GULP1: variants seen among roughly 807,000 people sequenced by gnomAD.
GULP1 encodes GULP PTB domain containing engulfment adaptor 1.
Under a neutral mutation model 40.9 loss-of-function variants are expected in GULP1, and 19 were observed. That is an observed-to-expected ratio of 0.46 (90% confidence interval 0.32 to 0.68). GULP1 has a LOEUF of 0.68. GULP1 is among the 30% of genes least tolerant of loss of function. GULP1 has a pLI of 0.03. For missense variants in GULP1, 312 were observed against 362.2 expected, an observed-to-expected ratio of 0.86 and a Z score of 1.12; for synonymous variants, 119 against 117.6, an observed-to-expected ratio of 1.01 and a Z score of -0.08.
At chr2:188,546,014 A>C (rs1274235899) in intron 7 of GULP1, among the ~76,000 whole-genome samples, 1 of 151,954 alleles carries the variant, frequency 6.6e-6, no homozygotes, top group African/African-American at 2.4e-5. Context: ...GATAAAAGGG[A>C]CCAGTTCCCA....
At chr2:188,346,254 A>G (rs1025132692) in intron 1 of GULP1, among the ~76,000 whole-genome samples, 2 of 152,208 alleles carry the variant, frequency 1.3e-5, no homozygotes, top group Non-Finnish European at 2.9e-5. Flanking sequence ...GTATTATAAT[A>G]GGATGTTGGC....
chr2:188,419,239 A>G (rs10180956), intron 2 of GULP1, among the ~76,000 whole-genome samples: 27,019 of 152,056 alleles, frequency 0.18, 2,476 homozygotes, highest in East Asian at 0.25. Context: ...TCTAGAACAT[A>G]TAATAGTTTT....
chr2:188,455,343 C>G (rs1241740881), intron 2 of GULP1, among the ~76,000 whole-genome samples: 3 of 152,004 alleles, frequency 2.0e-5, no homozygotes, highest in Non-Finnish European at 4.4e-5. Flanking sequence ...GGCTGTGTCC[C>G]CACCCAAATC....
chr2:188,347,560 C>A (rs2152260617), intron 1 of GULP1, among the ~76,000 whole-genome samples: 1 of 150,952 alleles, frequency 6.6e-6, no homozygotes, highest in South Asian at 2.1e-4. Context: ...TATAGTCATG[C>A]TTTTAATTAG....
chr2:188,545,315 A>C (rs1691626785), intron 7 of GULP1, among the ~76,000 whole-genome samples: 1 of 151,918 alleles, frequency 6.6e-6, no homozygotes, highest in Non-Finnish European at 1.5e-5. Flanking sequence ...AGATGAGCAA[A>C]CATATGAGTA....
intron 1 of GULP1, among the ~76,000 whole-genome samples, chr2:188,310,301 T>C (rs965214678): frequency 6.6e-6 from 1 of 152,168 alleles, no homozygotes; most frequent in Non-Finnish European, 1.5e-5. Context: ...TAAAGTAATA[T>C]AAGTAAATTG....
intron 7 of GULP1, among the ~76,000 whole-genome samples, chr2:188,559,061 A>G (rs529575821): frequency 1.3e-5 from 2 of 152,358 alleles, no homozygotes; most frequent in African/African-American, 4.8e-5. Context: ...TGCATAGGTA[A>G]TGAGGAGCCG....
intron 6 of GULP1, among the ~76,000 whole-genome samples, chr2:188,533,540 T>A (rs1420641216): frequency 6.6e-6 from 1 of 152,078 alleles, no homozygotes; most frequent in Admixed American, 6.6e-5. Context: ...GAAGAAAACC[T>A]AGGAAACACC....
chr2:188,305,467 C>A (rs2036892045), intron 1 of GULP1, among the ~76,000 whole-genome samples: 1 of 152,154 alleles, frequency 6.6e-6, no homozygotes, highest in African/African-American at 2.4e-5. Context: ...GCATTCCTTC[C>A]TTTAGGGTAT....
rs182813557 is a variant in GULP1, at chr2:188,448,865, C to T, written c.-44-28794C>T. 1.6e-3 allele frequency among the ~76,000 whole-genome samples: 245 copies of T among 152,278 alleles called. 1 individual carries two copies. Among genetic ancestry groups the T allele is most frequent in the Middle Eastern group, 3.4e-3 (1 of 294 alleles). On this transcript the variant is annotated intron_variant, in intron 2 of 11. Coordinates refer to ENST00000409830, the MANE Select transcript of GULP1 (RefSeq NM_016315.4). ...TTAAAGTAGGTGGCAACACCCCTCC[C>T]CTTTTTCCTCCTTCTCTGGCCATGC...
intron 4 of GULP1, among the ~76,000 whole-genome samples, chr2:188,492,327 T>A (rs2062472348): frequency 6.6e-6 from 1 of 152,072 alleles, no homozygotes; most frequent in South Asian, 2.1e-4. Flanking sequence ...AAGCACAGAA[T>A]TAAACACATT....
chr2:188,394,471 T>C (rs1487304569), intron 2 of GULP1, among the ~76,000 whole-genome samples: 2 of 152,174 alleles, frequency 1.3e-5, no homozygotes, highest in African/African-American at 4.8e-5. Context: ...CACCTTTCTC[T>C]TGTATCTCCT....
chr2:188,586,625 A>G (rs1702427236), intron 10 of GULP1, among the ~76,000 whole-genome samples: 1 of 152,180 alleles, frequency 6.6e-6, no homozygotes, highest in Non-Finnish European at 1.5e-5. Context: ...CAGTGTAACT[A>G]TTGGAAATGC....
chr2:188,354,990 G>A (rs2045079970), intron 1 of GULP1, among the ~76,000 whole-genome samples: 2 of 148,580 alleles, frequency 1.3e-5, no homozygotes, highest in South Asian at 4.2e-4. Flanking sequence ...AATGTTTCTG[G>A]AAACAAATGA....
At chr2:188,498,754 GAA>G (rs1207956706) in intron 4 of GULP1, among the ~76,000 whole-genome samples, 2 of 151,728 alleles carry the variant, frequency 1.3e-5, no homozygotes, top group Non-Finnish European at 2.9e-5. Flanking sequence ...ACAAAGAAAT[GAA>G]AAGTGTTTGA....
chr2:188,354,471 ATC>A lies in GULP1; in HGVS notation c.-171-29290_-171-29289del, dbSNP rs2044979911. On this transcript the variant is annotated intron_variant, in intron 1 of 11. Transcript: ENST00000409830. ...GTCATGGGTGCTGCTTCTGTGGGCA[ATC>A]TATATCCAACACTGTCACAGAGAGT... 3.9e-5 allele frequency among the ~76,000 whole-genome samples: 6 copies of A among 152,098 alleles called. No individual in the cohort carries two copies. The South Asian group carries it at 1.2e-3, about 32-fold the overall frequency.
intron 9 of GULP1, among the ~76,000 whole-genome samples, chr2:188,580,807 C>A (rs1254872448): frequency 6.6e-6 from 1 of 152,144 alleles, no homozygotes; most frequent in Non-Finnish European, 1.5e-5. Flanking sequence ...ATTTTAGTTA[C>A]TACCTTTTAC....
At chr2:188,342,823 A>G (rs1324557300) in intron 1 of GULP1, among the ~76,000 whole-genome samples, 2 of 152,144 alleles carry the variant, frequency 1.3e-5, no homozygotes, top group South Asian at 2.1e-4. Context: ...TGTTATTCCC[A>G]GGATATATAC....
chr2:188,373,825 A>G (rs2047938155), intron 1 of GULP1, among the ~76,000 whole-genome samples: 1 of 151,994 alleles, frequency 6.6e-6, no homozygotes, highest in Non-Finnish European at 1.5e-5. Flanking sequence ...TTTGGAATGA[A>G]GAGAGATCAT....
Sources: allele counts gnomAD v4.1 joint callset (sites outside exome capture counted in the v4.1 genomes callset), GRCh38; gene constraint gnomAD v4.1.1; transcripts MANE v1.5; gene names NCBI Gene and HGNC (gene_info 2026-07-23, HGNC 2026-07-21).